ANGPTL6: variants seen among roughly 807,000 people sequenced by gnomAD.
ANGPTL6 encodes angiopoietin-related protein 6.
Under a neutral mutation model 47.4 loss-of-function variants are expected in ANGPTL6, and 45 were observed. That is an observed-to-expected ratio of 0.95 (90% CI 0.75 to 1.22). The LOEUF (loss-of-function observed/expected upper bound fraction) is 1.22. Ranked by LOEUF, ANGPTL6 falls within the 50% of genes most tolerant of loss-of-function variation. The pLI is 0.00. For synonymous variants in ANGPTL6, 290 were observed against 295.9 expected (o/e 0.98, Z 0.20); for missense variants, 698 against 669.4 (o/e 1.04, Z -0.47).
upstream of ANGPTL6, among the ~76,000 whole-genome samples, chr19:10,103,766 T>C (rs2088741321): frequency 6.6e-6 from 1 of 151,478 alleles, no homozygotes; most frequent in Admixed American, 6.6e-5. Context: ...ATGTGATTTA[T>C]GTTTTTTGGA....
chr19:10,098,107 G>C (rs2088591938), intron 1 of ANGPTL6, among the ~76,000 whole-genome samples: 1 of 151,824 alleles, frequency 6.6e-6, no homozygotes, highest in Admixed American at 6.6e-5. Flanking sequence ...GCCTAGGCTG[G>C]TCTCCCCTGG....
Position 10,100,287 on chromosome 19 carries a change from A to G in ANGPTL6, c.-11+2281T>C, listed in dbSNP as rs137994927. Reference sequence around the variant, plus strand: ...AAGAGAGAGTCGTGCTCTGTTGCCCAGGCTGGAGTGCAGTGGAGCAATCAT... The same window carrying G: ...AAGAGAGAGTCGTGCTCTGTTGCCCGGGCTGGAGTGCAGTGGAGCAATCAT... On this transcript the variant is annotated intron_variant, in intron 1 of 5. Transcript: ENST00000253109. 3.7e-3 allele frequency among the ~76,000 whole-genome samples: 568 copies of G among 151,630 alleles called. 19 individuals carry two copies. The East Asian group carries it at 0.087, about 23-fold the overall frequency.
At position 10,094,850 on chromosome 19, in the gene ANGPTL6, G is replaced by A. The variant is rs939045372; in HGVS notation, c.671C>T (p.Pro224Leu). The A allele has an allele frequency of 6.2e-6, 10 of 1,614,190 alleles. No homozygotes were observed. The highest frequency in any genetic ancestry group is 8.5e-6 in the Non-Finnish European group (10 of 1,180,010). Residue 224 changes from proline to leucine, a missense_variant, in exon 3 of 6, where the codon CCA becomes CTA. Physicochemically the swap from Pro to Leu is moderately conservative, Grantham distance 98. Transcript: ENST00000253109. ...CTGGGTCTGGTCTCTCTGGGGCTCT[G>A]GGGCTGGGTCCAGCATCCTACTGGT... ...SDTSRMLDPA[P>L]EPQRDQTQRQ...
rs1474977231 is a variant in ANGPTL6, at chr19:10,093,701, G to C, written c.943C>G (p.His315Asp). ...TGCCCACCTGTGCCCACCTTATAGT[G>C]CTGCCAGGTAGTGAAGAAGTTGACT... ...GSVNFFTTWQ[H>D]YKAGFGRPDG... The change falls in exon 4 of 6, where the codon CAC (histidine) becomes GAC (aspartate). Residue 315 changes from histidine (H) to aspartate (D), a missense_variant. Physicochemically the swap from His to Asp is moderately conservative, Grantham distance 81. Transcript: ENST00000253109. 6.2e-7 allele frequency: 1 copy of C among 1,614,118 alleles called. No individual in the cohort carries two copies. The highest frequency in any genetic ancestry group is 8.5e-7 in the Non-Finnish European group (1 of 1,180,052).
In ANGPTL6 at chr19:10,092,724, G is replaced by A. The variant is rs879928072; in HGVS notation, c.1278C>T (p.Ser426=). ...CGTGGTGCCACACACCGTTGAGGTT[G>A]GAGTGGGCACAGGCATGGTACCACC... is the stretch of plus-strand genomic sequence containing the variant. ...GGWWYHACAH[S]NLNGVWHHGG... is the part of the protein sequence containing the mutation. The change falls in exon 6 of 6, where the codon TCC becomes TCT. Residue 426 remains serine (S), a synonymous_variant. Coordinates refer to ENST00000253109, the MANE Select transcript of ANGPTL6 (RefSeq NM_031917.3). 22 of 1,613,588 alleles carry A rather than the reference G, an allele frequency of 1.4e-5. No individual in the cohort carries two copies. The highest frequency in any genetic ancestry group is 1.9e-5 in the Non-Finnish European group (22 of 1,179,610).
chr19:10,095,876 G>C (rs1189819217), intron 2 of ANGPTL6, 106 bp downstream of exon 2: 2 of 691,840 alleles, frequency 2.9e-6, no homozygotes, highest in African/African-American at 1.9e-5. Context: ...GTAGGAATCC[G>C]GTTTTCAGGG....
chr19:10,103,785 G>A (rs2088741530), upstream of ANGPTL6, among the ~76,000 whole-genome samples: 3 of 151,134 alleles, frequency 2.0e-5, no homozygotes. Flanking sequence ...GATTAATCTG[G>A]ATTTTATAAT....
chr19:10,098,811 CAAAACACTGTCTCAAAA>C (rs2088607571), intron 1 of ANGPTL6, among the ~76,000 whole-genome samples: 2 of 150,634 alleles, frequency 1.3e-5, no homozygotes. Context: ...ACAACAAAAG[CAAAACACTGTCTCAAAA>C]AAAAAAAATA....
chr19:10,094,132 G>C (rs924548446), intron 3 of ANGPTL6, among the ~76,000 whole-genome samples: 1 of 152,048 alleles, frequency 6.6e-6, no homozygotes, highest in Admixed American at 6.6e-5. Flanking sequence ...TCTAATCAAA[G>C]GAAATGTCAA....
chr19:10,102,757 A>G (rs2088714125), upstream of ANGPTL6: 1 of 984,608 alleles, frequency 1.0e-6, no homozygotes, highest in African/African-American at 1.7e-5. Flanking sequence ...TGCTGGGCCC[A>G]GGAGCCCAAA....
At position 10,096,448 on chromosome 19, in the gene ANGPTL6, G is replaced by A. The variant is rs1021049166; in HGVS notation, c.116C>T (p.Thr39Met). 1.1e-5 allele frequency: 16 copies of A among 1,458,796 alleles called. No homozygotes were observed. Among genetic ancestry groups the A allele is most frequent in the Non-Finnish European group, 1.4e-5 (16 of 1,114,284 alleles). The allele number at this position is 1,458,796 out of a possible 1,614,324, so 90.4% of individuals were successfully genotyped here. Residue 39 changes from threonine (T) to methionine (M), a missense_variant, in exon 2 of 6, where the codon ACG becomes ATG. Transcript: ENST00000253109. ...GGGGCCGCTCCAGCACACAGCGCCC[G>A]TGAACTTCTGCGGGGGCAGCACGAA... Reference protein sequence around the residue: ...YTFVLPPQKFTGAVCWSGPAS... With the variant: ...YTFVLPPQKFMGAVCWSGPAS...
At chr19:10,095,153 A>G (rs2145170352) in intron 2 of ANGPTL6, among the ~76,000 whole-genome samples, 1 of 152,244 alleles carries the variant, frequency 6.6e-6, no homozygotes, top group South Asian at 2.1e-4. Context: ...CGTGCCTGTA[A>G]TCCCAGCACT....
chr19:10,094,515 T>C (rs2088482024), intron 3 of ANGPTL6: 3 of 571,086 alleles, frequency 5.3e-6, no homozygotes, highest in Non-Finnish European at 9.2e-6. Context: ...AATATGATAC[T>C]CTGAACCAGT....
rs909314310 is a variant in ANGPTL6 at position 10,096,065 on chromosome 19, G to A, written c.499C>T (p.Leu167=). ...CTCTGCTGGGTGACGAGCTGCGCCAGCTCGCGGAACTTGACGTCCAGCTGG... is the reference window on the plus strand; with the variant it reads ...CTCTGCTGGGTGACGAGCTGCGCCAACTCGCGGAACTTGACGTCCAGCTGG... ...FHQLDVKFRE[L]AQLVTQQSSL... Residue 167 remains leucine, a synonymous_variant, in exon 2 of 6, where the codon CTG becomes TTG. Transcript: ENST00000253109. The A allele has an allele frequency of 3.4e-6, 5 of 1,481,404 alleles. No homozygotes were observed. In the South Asian group the frequency reaches 6.4e-5, roughly 19 times the overall value. 91.8% of individuals were successfully genotyped at this position (1,481,404 alleles called of 1,614,324 possible).
intron 5 of ANGPTL6, 200 bp downstream of exon 5, chr19:10,093,149 C>T (rs2088436234): frequency 6.0e-6 from 4 of 667,788 alleles, no homozygotes; most frequent in East Asian, 5.3e-5. Flanking sequence ...CTTTTTTTGC[C>T]TCATCAGAGA....
At chr19:10,101,331 CCT>C (rs2088672562) in intron 1 of ANGPTL6, among the ~76,000 whole-genome samples, 1 of 151,054 alleles carries the variant, frequency 6.6e-6, no homozygotes, top group African/African-American at 2.4e-5. Flanking sequence ...ATTGCTTGAG[CCT>C]AGGAGTTTGA....
chr19:10,099,124 C>A (rs1246799734), intron 1 of ANGPTL6, among the ~76,000 whole-genome samples: 2 of 152,270 alleles, frequency 1.3e-5, no homozygotes, highest in East Asian at 3.9e-4. Context: ...TCCCTGCTCT[C>A]TGGATTTCCA....
In ANGPTL6 at chr19:10,094,904, G is replaced by A. The variant is rs747692944; in HGVS notation, c.617C>T (p.Pro206Leu). ...LPPPPLVPVV[P>L]VRLVGSTSDT... Reference sequence around the variant, plus strand: ...ACTGGTGCTACCCACAAGACGGACCGGAACCACAGGCACCAGTGGGGGTGG... The same window carrying A: ...ACTGGTGCTACCCACAAGACGGACCAGAACCACAGGCACCAGTGGGGGTGG... The change falls in exon 3 of 6, where the codon CCG becomes CTG. Residue 206 changes from proline to leucine, a missense_variant. By Grantham distance (98) the Pro-to-Leu change is moderately conservative. Coordinates refer to ENST00000253109, the MANE Select transcript of ANGPTL6 (RefSeq NM_031917.3). 36 of 1,612,130 alleles carry A rather than the reference G, an allele frequency of 2.2e-5. No individual in the cohort carries two copies. In the Middle Eastern group the frequency reaches 6.6e-4, roughly 29 times the overall value.
upstream of ANGPTL6, among the ~76,000 whole-genome samples, chr19:10,104,008 G>T (rs141117308): frequency 6.9e-6 from 1 of 145,956 alleles, no homozygotes; most frequent in African/African-American, 2.5e-5. Flanking sequence ...CAGGAGAATC[G>T]CTTGAACCCG....
Sources: gnomAD v4.1 joint callset for allele counts (sites outside exome capture counted in the v4.1 genomes callset) on GRCh38, gnomAD v4.1.1 for gene constraint, MANE v1.5 for transcripts, NCBI Gene and HGNC (gene_info 2026-07-23, HGNC 2026-07-21) for gene names.